The following CACNG7 variants were observed in gnomAD, a reference collection of about 807,000 sequenced individuals.
The protein encoded by CACNG7 is calcium voltage-gated channel auxiliary subunit gamma 7, also known as voltage-dependent calcium channel gamma-7 subunit.
A neutral mutation model predicts 26.3 loss-of-function variants in CACNG7; 9 were observed. The ratio of observed to expected loss-of-function variants is 0.34; its 90% CI spans 0.21 to 0.60. The LOEUF is 0.60. Ranked by LOEUF, CACNG7 falls within the 20% of genes least tolerant of loss-of-function variation. The pLI, the probability that CACNG7 is intolerant of heterozygous loss-of-function variation, is 0.81. For missense variants in CACNG7, 297 were observed against 380.4 expected (o/e 0.78, Z 1.82); for synonymous variants, 170 against 157.0 (o/e 1.08, Z -0.62).
intron 4 of CACNG7, among the ~76,000 whole-genome samples, chr19:53,924,201 T>TCCCAGGTCTGGTCATTGGTGCAGTTGC (rs1568777163): frequency 3.7e-4 from 46 of 123,356 alleles, no homozygotes; most frequent in South Asian, 1.2e-3. Context: ...GGTGGAGTTG[T>TCCCAGGTCTGGTCATTGGTGCAGTTGC]CCCAGGTCTG....
At chr19:53,918,830 G>A (rs1402732669) in intron 4 of CACNG7, among the ~76,000 whole-genome samples, 4 of 152,038 alleles carry the variant, frequency 2.6e-5, no homozygotes, top group African/African-American at 7.2e-5. Context: ...GTGCAATGGC[G>A]CGATCTCGGC....
rs1192547239 is a variant in CACNG7 at position 53,940,293 on chromosome 19, GGTGTT to G, written c.425-1173_425-1169del. ...GTTAAAAATGTACCTCCTTCAAAGA[GGTGTT>G]GTGAAGTTTGAATGAATGTATATAT... is the stretch of plus-strand genomic sequence containing the variant. On this transcript the variant is annotated intron_variant, in intron 4 of 5. Coordinates refer to ENST00000391767, the MANE Select transcript of CACNG7 (RefSeq NM_031896.5). This position sits in a 1 kb window ranked among gnomAD's most constrained non-coding sequence, Gnocchi z 4.1. Among the ~76,000 whole-genome samples the G allele has an allele frequency of 6.6e-6, 1 of 152,084 alleles. No individual in the cohort carries two copies. The highest frequency in any genetic ancestry group is 1.5e-5 in the Non-Finnish European group (1 of 68,008).
chr19:53,930,497 C>T lies in CACNG7; in HGVS notation c.425-10973C>T, dbSNP rs144377702. 2.5e-3 allele frequency among the ~76,000 whole-genome samples: 375 copies of T among 151,778 alleles called. 2 individuals carry two copies. Among genetic ancestry groups the T allele is most frequent in the African/African-American group, 8.5e-3 (353 of 41,514 alleles). ...ACAAGATTCTCCTGCCTCAGCCTCC[C>T]GAGTAGCTGGGATTGCAGGTGCCTG... On this transcript the variant is annotated intron_variant, in intron 4 of 5. Coordinates refer to ENST00000391767, the MANE Select transcript of CACNG7 (RefSeq NM_031896.5).
At position 53,912,208 on chromosome 19, in the gene CACNG7, G is replaced by A. The variant is rs2068866119; in HGVS notation, c.-29-595G>A. On this transcript the variant is annotated intron_variant, in intron 1 of 5. Coordinates refer to ENST00000391767, the MANE Select transcript of CACNG7 (RefSeq NM_031896.5). The surrounding 1 kb of genome is among the most constrained non-coding windows in gnomAD (Gnocchi z 4.6). ...GTTGAGGTTATTGATCCTTGTTGGA[G>A]TCTGGTGTTCACAACCGGGGGCTTC... 2.0e-5 allele frequency among the ~76,000 whole-genome samples: 3 copies of A among 152,124 alleles called. No individual in the cohort carries two copies. In the South Asian group the frequency reaches 6.2e-4, roughly 32 times the overall value.
intron 4 of CACNG7, among the ~76,000 whole-genome samples, chr19:53,938,154 C>G (rs1248303977): frequency 1.3e-5 from 2 of 152,062 alleles, no homozygotes; most frequent in Non-Finnish European, 2.9e-5. Context: ...CGAGACCAGC[C>G]TGGGCAACAT....
rs1303764237 is a variant in CACNG7, at chr19:53,920,698, G to C, written c.424+5193G>C. 1.7e-5 allele frequency among the ~76,000 whole-genome samples: 2 copies of C among 116,918 alleles called. 1 individual carries two copies. The highest frequency in any genetic ancestry group is 3.3e-5 in the Non-Finnish European group (2 of 59,976). 76.7% of individuals were successfully genotyped at this position (116,918 alleles called of 152,430 possible). A position where few individuals can be genotyped will look rare whatever the true frequency, so the allele number is the denominator to read the frequency against. On this transcript the variant is annotated intron_variant, in intron 4 of 5. Coordinates refer to ENST00000391767, the MANE Select transcript of CACNG7 (RefSeq NM_031896.5). ...CCCAGGTCTGGTCATTGGTGGACTT[G>C]CTCCAGGTCTGGTCATTGGTGGAGC...
chr19:53,936,632 G>T (rs965145891), intron 4 of CACNG7, among the ~76,000 whole-genome samples: 1 of 151,760 alleles, frequency 6.6e-6, no homozygotes, highest in Non-Finnish European at 1.5e-5. Flanking sequence ...TTTTTGAGAC[G>T]GAGTCTCACT....
chr19:53,924,195 G>GTTGTCCCAGGTCTGGTCATTGGTGT (rs2068999257), intron 4 of CACNG7, among the ~76,000 whole-genome samples: 1 of 132,858 alleles, frequency 7.5e-6, no homozygotes, highest in African/African-American at 3.1e-5. Flanking sequence ...GTCATTGGTG[G>GTTGTCCCAGGTCTGGTCATTGGTGT]AGTTGTCCCA....
Position 53,913,164 on chromosome 19 carries a change from C to T in CACNG7, c.196+137C>T, listed in dbSNP as rs1459411496. 8 of 759,786 alleles carry T rather than the reference C, an allele frequency of 1.1e-5. No homozygotes were observed. In the Admixed American group the frequency reaches 1.4e-4, roughly 14 times the overall value. 47.1% of individuals were successfully genotyped at this position (759,786 alleles called of 1,614,324 possible). ...TCTCTCCTGGAAGTTCAAATTTCTA[C>T]GTGGAGCCCCAGTGACTAGCCCTTT... On this transcript the variant is annotated intron_variant, in intron 2 of 5. Transcript: ENST00000391767.
chr19:53,923,969 T>G (rs2068994711), intron 4 of CACNG7, among the ~76,000 whole-genome samples: 2 of 140,122 alleles, frequency 1.4e-5, no homozygotes, highest in Admixed American at 1.4e-4. Flanking sequence ...GGTCTGGTAT[T>G]GGTGGAGTTG....
intron 4 of CACNG7, among the ~76,000 whole-genome samples, chr19:53,922,574 G>GCA: frequency 1.1e-5 from 1 of 88,204 alleles, no homozygotes; most frequent in Non-Finnish European, 2.0e-5. Flanking sequence ...GGTCATTGGT[G>GCA]GAGTTGTCCC....
intron 4 of CACNG7, among the ~76,000 whole-genome samples, chr19:53,936,031 C>T (rs8110356): frequency 0.038 from 5,797 of 151,652 alleles, 373 homozygotes; most frequent in African/African-American, 0.13. Context: ...CTTTAGTCTC[C>T]TTTCATTTTT....
intron 4 of CACNG7, among the ~76,000 whole-genome samples, chr19:53,927,213 G>A (rs1395539481): frequency 6.6e-6 from 1 of 152,066 alleles, no homozygotes. Flanking sequence ...AGCCACTGCG[G>A]CGCAGCTGGG....
intron 1 of CACNG7, among the ~76,000 whole-genome samples, chr19:53,910,118 A>G (rs572414850): frequency 6.6e-6 from 1 of 152,172 alleles, no homozygotes; most frequent in East Asian, 1.9e-4. Flanking sequence ...ACGGGGTGCG[A>G]GAATGTGGAG....
intron 4 of CACNG7, among the ~76,000 whole-genome samples, chr19:53,922,902 G>GT (rs1477353501): frequency 2.6e-5 from 2 of 76,738 alleles, no homozygotes; most frequent in East Asian, 3.1e-4. Flanking sequence ...TGGTGGAGTT[G>GT]CCCCAGGCCT....
Position 53,942,590 on chromosome 19 carries a change from C to A in CACNG7, c.*297C>A. On this transcript the variant is annotated 3_prime_UTR_variant, in exon 6 of 6. Coordinates refer to ENST00000391767, the MANE Select transcript of CACNG7 (RefSeq NM_031896.5). This position sits in a 1 kb window ranked among gnomAD's most constrained non-coding sequence, Gnocchi z 5.9. ...CCCCTCCTCTCCAAGAAAATTAGCTCCTCCCTCGTTCTCCACCTGCTCTGA... is the reference window on the plus strand; with the variant it reads ...CCCCTCCTCTCCAAGAAAATTAGCTACTCCCTCGTTCTCCACCTGCTCTGA... 1 of 1,299,474 alleles carries A rather than the reference C, an allele frequency of 7.7e-7. No individual in the cohort carries two copies. Among genetic ancestry groups the A allele is most frequent in the South Asian group, 2.2e-5 (1 of 45,808 alleles). 80.5% of individuals were successfully genotyped at this position (1,299,474 alleles called of 1,614,324 possible). A position where few individuals can be genotyped will look rare whatever the true frequency, so the allele number is the denominator to read the frequency against.
intron 4 of CACNG7, among the ~76,000 whole-genome samples, chr19:53,917,521 T>A (rs983088650): frequency 1.3e-5 from 2 of 152,020 alleles, no homozygotes; most frequent in African/African-American, 4.8e-5. Context: ...TGGTGCAACC[T>A]CCCCCATGCC....
chr19:53,938,099 C>A (rs1299655720), intron 4 of CACNG7, among the ~76,000 whole-genome samples: 1 of 152,094 alleles, frequency 6.6e-6, no homozygotes, highest in Non-Finnish European at 1.5e-5. Flanking sequence ...GTAATCCCAG[C>A]ACTTTGGGAG....
chr19:53,915,464 C>G lies in CACNG7; in HGVS notation c.383C>G (p.Thr128Ser). 1 of 1,614,154 alleles carries G rather than the reference C, an allele frequency of 6.2e-7. No homozygotes were observed. ...ATCGGCCACATCCGCCCGCAGAGGACCATTCTGGCTTTTGTCTCTGGCATC... is the reference window on the plus strand; with the variant it reads ...ATCGGCCACATCCGCCCGCAGAGGAGCATTCTGGCTTTTGTCTCTGGCATC... Reference protein sequence around the residue: ...SNIGHIRPQRTILAFVSGIFF... With the variant: ...SNIGHIRPQRSILAFVSGIFF... The change falls in exon 4 of 6, where the codon ACC becomes AGC. Residue 128 changes from threonine (T) to serine (S), a missense_variant. Thr to Ser is a moderately conservative substitution (Grantham distance 58, BLOSUM62 1). Coordinates refer to ENST00000391767, the MANE Select transcript of CACNG7 (RefSeq NM_031896.5).
Sources: gnomAD v4.1 joint callset for allele counts (sites outside exome capture counted in the v4.1 genomes callset) on GRCh38, gnomAD v4.1.1 for gene constraint, Gnocchi (gnomAD v3.1) non-coding constraint, MANE v1.5 for transcripts, NCBI Gene and HGNC (gene_info 2026-07-23, HGNC 2026-07-21) for gene names.